The following ADGRG2 variants were observed in gnomAD, a reference collection of about 807,000 sequenced individuals.
ADGRG2 encodes the protein G protein-coupled receptor 64.
Under a neutral mutation model 74.1 loss-of-function variants are expected in ADGRG2, and 26 were observed. The ratio of observed to expected loss-of-function variants is 0.35; its 90% CI spans 0.26 to 0.49. ADGRG2 has a LOEUF of 0.49. ADGRG2 is among the 20% of genes least tolerant of loss of function. The pLI is 0.99. For synonymous variants in ADGRG2, 296 were observed against 295.2 expected, an observed-to-expected ratio of 1.00 and a Z score of -0.03; for missense variants, 619 against 763.1, an observed-to-expected ratio of 0.81 and a Z score of 2.22.
At chrX:19,000,436 C>A (rs889675475) in intron 24 of ADGRG2, among the ~76,000 whole-genome samples, 5 of 112,066 alleles carry the variant, frequency 4.5e-5, no homozygotes, top group African/African-American at 6.5e-5. Flanking sequence ...TGCTCCCAGC[C>A]TCCCAGGCAG....
intron 1 of ADGRG2, among the ~76,000 whole-genome samples, chrX:19,101,101 TTGTGTGTGTGTGTGTGTG>T (rs10579733): frequency 2.2e-5 from 2 of 89,844 alleles, no homozygotes; most frequent in African/African-American, 8.2e-5. Context: ...AATCATGAGA[TTGTGTGTGTGTGTGTGTG>T]TGTGTGTGTG....
intron 2 of ADGRG2, among the ~76,000 whole-genome samples, chrX:19,077,902 G>A (rs2061779299): frequency 1.8e-5 from 2 of 112,090 alleles, no homozygotes; most frequent in South Asian, 7.3e-4. Context: ...AATATAAGGA[G>A]AAATAGAACA....
chrX:19,074,535 C>T (rs1482932477), intron 2 of ADGRG2, among the ~76,000 whole-genome samples: 4 of 99,272 alleles, frequency 4.0e-5, no homozygotes, highest in Non-Finnish European at 6.0e-5. Context: ...CCGCACCCAG[C>T]GCATTTTCTT....
At chrX:19,066,997 C>A (rs887164570) in intron 3 of ADGRG2, among the ~76,000 whole-genome samples, 21 of 111,937 alleles carry the variant, frequency 1.9e-4, no homozygotes, top group African/African-American at 6.2e-4. Flanking sequence ...CAGAAATAAA[C>A]CCTCATCTAT....
intron 3 of ADGRG2, among the ~76,000 whole-genome samples, chrX:19,047,103 T>C (rs1375025505): frequency 1.8e-5 from 2 of 111,818 alleles, no homozygotes; most frequent in African/African-American, 3.3e-5. Context: ...ATTTCAAAGT[T>C]TGGAGGAGTA....
At chrX:19,086,467 C>T (rs964480957) in intron 1 of ADGRG2, among the ~76,000 whole-genome samples, 1 of 111,126 alleles carries the variant, frequency 9.0e-6, no homozygotes, top group Non-Finnish European at 1.9e-5. Context: ...CAGGGTAATA[C>T]CAGCGTGACC....
At chrX:19,057,672 G>A (rs1278940090) in intron 3 of ADGRG2, among the ~76,000 whole-genome samples, 1 of 109,543 alleles carries the variant, frequency 9.1e-6, no homozygotes, top group Non-Finnish European at 1.9e-5. Flanking sequence ...AGACTTCATC[G>A]CTACTAAACA....
intron 1 of ADGRG2, among the ~76,000 whole-genome samples, chrX:19,107,971 G>C (rs1185713460): frequency 9.4e-6 from 1 of 106,669 alleles, no homozygotes; most frequent in East Asian, 2.9e-4. Flanking sequence ...GTGGTGGCAC[G>C]CACCTGTAGT....
chrX:19,111,723 G>T (rs1215570004), intron 1 of ADGRG2, among the ~76,000 whole-genome samples: 2 of 110,943 alleles, frequency 1.8e-5, no homozygotes, highest in Non-Finnish European at 3.8e-5. Flanking sequence ...AATTGATGAA[G>T]ATATTAGACA....
rs754078048 is a variant in ADGRG2, at chrX:19,013,953, A to G, written c.832T>C (p.Ser278Pro). Residue 278 changes from serine to proline, a missense_variant, in exon 16 of 29, where the codon TCT becomes CCT. By Grantham distance (74) the Ser-to-Pro change is moderately conservative. This residue lies in a region of ADGRG2 where 292 missense variants were observed against 318.0 expected (regional missense o/e 0.92). Coordinates refer to ENST00000379869, the MANE Select transcript of ADGRG2 (RefSeq NM_001079858.3). ...TVLSQVPKAT[S>P]FAEPPDYSPV... The stretch of plus-strand genomic sequence containing the variant: ...GAATAATCTGGAGGCTCAGCAAAAG[A>G]GGTAGCTTTGGGGACCTGGGAAAGC... 1.7e-5 allele frequency: 21 copies of G among 1,211,089 alleles called. No homozygotes were observed. The Admixed American group carries it at 4.6e-4, about 26-fold the overall frequency.
At chrX:19,094,685 T>C (rs994587828) in intron 1 of ADGRG2, among the ~76,000 whole-genome samples, 1 of 112,554 alleles carries the variant, frequency 8.9e-6, no homozygotes, top group Non-Finnish European at 1.9e-5. Context: ...ATCAAAACAC[T>C]TTCTCTCCCA....
At chrX:19,028,840 G>A (rs757487071) in intron 9 of ADGRG2, among the ~76,000 whole-genome samples, 7 of 111,857 alleles carry the variant, frequency 6.3e-5, no homozygotes, top group African/African-American at 2.3e-4. Flanking sequence ...CTAGAGCCAG[G>A]GCTCAGCCAA....
At chrX:19,105,222 T>C (rs1457908338) in intron 1 of ADGRG2, among the ~76,000 whole-genome samples, 2 of 112,238 alleles carry the variant, frequency 1.8e-5, no homozygotes, top group African/African-American at 3.2e-5. Context: ...CTGAGTGTTA[T>C]TCTCTTTGAC....
At chrX:19,105,625 T>C (rs1021939653) in intron 1 of ADGRG2, among the ~76,000 whole-genome samples, 1 of 110,870 alleles carries the variant, frequency 9.0e-6, no homozygotes, top group Non-Finnish European at 1.9e-5. Context: ...AAATACCTAA[T>C]GTAGGTGATG....
Position 19,033,642 on chromosome X carries a change from AT to A in ADGRG2, c.274del (p.Ile92SerfsTer3). ...TGCATTGAAGGTTTTTACTATAGTG[AT>A]TTTAGTTTTTTCTGCAAAGAAACAA... ...LPSNETEKTKITIVKTFNASG... is the reference protein window; with the variant it reads ...LPSNETEKTKXTIVKTFNASG... On this transcript the variant is annotated frameshift_variant, in exon 8 of 29. Coordinates refer to ENST00000379869, the MANE Select transcript of ADGRG2 (RefSeq NM_001079858.3). LOFTEE classifies it high-confidence loss of function. 2 of 831,199 alleles carry A rather than the reference AT, an allele frequency of 2.4e-6. No homozygotes were observed. The highest frequency in any genetic ancestry group is 3.6e-6 in the Non-Finnish European group (2 of 562,699). 68.5% of individuals were successfully genotyped at this position (831,199 alleles called of 1,213,427 possible). A position where few individuals can be genotyped will look rare whatever the true frequency, so the allele number is the denominator to read the frequency against.
At chrX:19,085,501 T>C (rs2051162280) in intron 1 of ADGRG2, among the ~76,000 whole-genome samples, 1 of 110,521 alleles carries the variant, frequency 9.0e-6, no homozygotes, top group African/African-American at 3.3e-5. Flanking sequence ...GCTAATTTGT[T>C]AGTTTTTTGT....
chrX:19,002,877 T>C lies in ADGRG2; in HGVS notation c.2199A>G (p.Lys733=), dbSNP rs772686201. The part of the protein sequence containing the change: ...LVKVFNTYIR[K]YILKFCIVGW... ...CGACAATGCAGAATTTAAGGATGTA[T>C]TTTCGGATGTAAGTATTAAATACTT... is the stretch of plus-strand genomic sequence containing the variant. Residue 733 remains lysine, a synonymous_variant, in exon 24 of 29, where the codon AAA becomes AAG. Transcript: ENST00000379869. The C allele has an allele frequency of 2.3e-5, 28 of 1,207,818 alleles. No individual in the cohort carries two copies. In the Middle Eastern group the frequency reaches 3.7e-3, roughly 158 times the overall value.
Position 19,025,746 on chromosome X carries a change from A to G in ADGRG2, c.470+1473T>C, listed in dbSNP as rs941790028. Among the ~76,000 whole-genome samples, 3 of 110,528 alleles carry G rather than the reference A, an allele frequency of 2.7e-5. No homozygotes were observed. In the Admixed American group the frequency reaches 2.9e-4, roughly 11 times the overall value. On this transcript the variant is annotated intron_variant, in intron 11 of 28. Coordinates refer to ENST00000379869, the MANE Select transcript of ADGRG2 (RefSeq NM_001079858.3). ...CCCCGTCTCTACTAAAAATACAAAAATTAGCCAGGTGTGGTGCACATGCCT... is the reference window on the plus strand; with the variant it reads ...CCCCGTCTCTACTAAAAATACAAAAGTTAGCCAGGTGTGGTGCACATGCCT...
chrX:19,018,477 G>A (rs936617240), intron 15 of ADGRG2, among the ~76,000 whole-genome samples: 6 of 110,494 alleles, frequency 5.4e-5, no homozygotes, highest in Non-Finnish European at 7.5e-5. Flanking sequence ...CAGAATCTCT[G>A]AGCCTGGTGA....
Sources: allele counts gnomAD v4.1 joint callset (sites outside exome capture counted in the v4.1 genomes callset), GRCh38; gene constraint gnomAD v4.1.1; regional missense constraint gnomAD v4.1.1; transcripts MANE v1.5; gene names NCBI Gene and HGNC (gene_info 2026-07-23, HGNC 2026-07-21).